Variants in ATP2B2 observed in about 807,000 individuals in gnomAD.
The protein encoded by ATP2B2 is plasma membrane calcium-transporting ATPase 2.
Under a neutral mutation model 120.0 loss-of-function variants are expected in ATP2B2, and 15 were observed. The ratio of observed to expected loss-of-function variants is 0.12; its 90% CI spans 0.08 to 0.19. ATP2B2 has a LOEUF of 0.19. ATP2B2 is among the 10% of genes least tolerant of loss of function. The pLI is 1.00. For synonymous variants in ATP2B2, 694 were observed against 700.3 expected, an observed-to-expected ratio of 0.99 and a Z score of 0.14; for missense variants, 1,045 against 1,719.8, an observed-to-expected ratio of 0.61 and a Z score of 6.94.
At chr3:10,528,915 C>G (rs1389265514) in intron 3 of ATP2B2, among the ~76,000 whole-genome samples, 1 of 152,138 alleles carries the variant, frequency 6.6e-6, no homozygotes, top group East Asian at 1.9e-4. Context: ...AATGTGGGAA[C>G]TGCTCATATT....
chr3:10,569,799 C>T (rs901180966), intron 2 of ATP2B2, among the ~76,000 whole-genome samples: 3 of 152,144 alleles, frequency 2.0e-5, no homozygotes, highest in African/African-American at 4.8e-5. Flanking sequence ...ACCCTAACAC[C>T]CACTAAAGCT....
In ATP2B2 at chr3:10,350,093, G is replaced by A. The variant is rs554743868; in HGVS notation, c.2404+19C>T. On this transcript the variant is annotated intron_variant, in intron 16 of 22. Transcript: ENST00000360273. ...CTGGTGCTGGGCTTCAGGATTGCCC[G>A]TGCCCGCCCAAGTCTTACCTTTAAC... 25 of 1,612,926 alleles carry A rather than the reference G, an allele frequency of 1.5e-5. No individual in the cohort carries two copies. Among genetic ancestry groups the A allele is most frequent in the East Asian group, 8.9e-5 (4 of 44,876 alleles).
chr3:10,328,704 T>G lies in ATP2B2; in HGVS notation c.*110A>C. On this transcript the variant is annotated 3_prime_UTR_variant, in exon 23 of 23. Transcript: ENST00000360273. ...TTTCTCTCCAGTATTTGGTTTCCGA[T>G]TGTTGCTCGTTGCTGCTTGGGTGAG... The G allele has an allele frequency of 1.7e-6, 2 of 1,167,890 alleles. No homozygotes were observed. The highest frequency in any genetic ancestry group is 2.4e-6 in the Non-Finnish European group (2 of 840,140). 72.3% of individuals were successfully genotyped at this position (1,167,890 alleles called of 1,614,324 possible).
At chr3:10,388,454 C>T (rs1206370317) in intron 5 of ATP2B2, 52 bp from the exon 6 acceptor site, 1 of 1,613,310 alleles carries the variant, frequency 6.2e-7, no homozygotes, top group Non-Finnish European at 8.5e-7. Context: ...AAGCCGTCTC[C>T]CCAAAGGAGT....
chr3:10,398,708 C>T (rs1458287408), intron 5 of ATP2B2, among the ~76,000 whole-genome samples: 5 of 152,216 alleles, frequency 3.3e-5, no homozygotes, highest in South Asian at 2.1e-4. Context: ...TGGAGACACA[C>T]CGGCCTCTCC....
At chr3:10,636,289 G>A (rs1276900303) in intron 1 of ATP2B2, among the ~76,000 whole-genome samples, 1 of 152,204 alleles carries the variant, frequency 6.6e-6, no homozygotes, top group Non-Finnish European at 1.5e-5. Flanking sequence ...AGTAGGGCAG[G>A]CTGTGTCATT....
At chr3:10,360,651 G>A (rs779162835) in intron 12 of ATP2B2, among the ~76,000 whole-genome samples, 1 of 152,168 alleles carries the variant, frequency 6.6e-6, no homozygotes, top group Non-Finnish European at 1.5e-5. Flanking sequence ...CAGAGATGCC[G>A]TATACCCTTC....
At chr3:10,575,366 AAAT>A (rs1343794048) in intron 2 of ATP2B2, among the ~76,000 whole-genome samples, 1 of 152,196 alleles carries the variant, frequency 6.6e-6, no homozygotes, top group East Asian at 1.9e-4. Context: ...GGCTCAGACA[AAAT>A]AATAATTATA....
chr3:10,384,518 G>C (rs2061617490), intron 8 of ATP2B2, among the ~76,000 whole-genome samples: 1 of 152,186 alleles, frequency 6.6e-6, no homozygotes, highest in Non-Finnish European at 1.5e-5. Flanking sequence ...ATCTTCTAAA[G>C]GCTTTGGGGG....
chr3:10,570,872 C>T (rs981487508), intron 2 of ATP2B2, among the ~76,000 whole-genome samples: 7 of 152,208 alleles, frequency 4.6e-5, no homozygotes, highest in African/African-American at 1.2e-4. Context: ...TGCCATGCCC[C>T]GAGAGGCCCA....
intron 1 of ATP2B2, among the ~76,000 whole-genome samples, chr3:10,492,876 G>A (rs565505837): frequency 1.1e-4 from 17 of 152,290 alleles, no homozygotes; most frequent in South Asian, 2.1e-4. Context: ...GAACTTGGCC[G>A]AGGCTGCCAC....
intron 21 of ATP2B2, among the ~76,000 whole-genome samples, chr3:10,339,567 C>T (rs919535117): frequency 2.6e-5 from 4 of 152,110 alleles, no homozygotes; most frequent in East Asian, 1.9e-4. Context: ...CGTAGAAAAA[C>T]GAATTGGTGG....
chr3:10,379,227 A>G lies in ATP2B2; in HGVS notation c.1042+16T>C. 1 of 1,613,676 alleles carries G rather than the reference A, an allele frequency of 6.2e-7. No homozygotes were observed. The highest frequency in any genetic ancestry group is 1.1e-5 in the South Asian group (1 of 90,966). On this transcript the variant is annotated intron_variant, in intron 9 of 22. Coordinates refer to ENST00000360273, the MANE Select transcript of ATP2B2 (RefSeq NM_001001331.4). ...GCCTCAGGGACGACAAACGCCGGTT[A>G]AAACAAAAGGGTTACCTTTGCTCTG...
chr3:10,337,661 AT>A (rs1347604573), intron 22 of ATP2B2, among the ~76,000 whole-genome samples: 1 of 152,000 alleles, frequency 6.6e-6, no homozygotes, highest in Non-Finnish European at 1.5e-5. Context: ...GTGCTTGAGG[AT>A]GACTGACCTT....
In ATP2B2 at chr3:10,345,387, C is replaced by T. The variant is rs779409545; in HGVS notation, c.2700G>A (p.Thr900=). The part of the protein sequence containing the change: ...VIVAFTGACI[T]QDSPLKAVQM... ...GTGTGGTCTCCTGCGGACCCACCTG[C>T]GTGATGCAGGCGCCTGTGAAGGCCA... The change falls in exon 18 of 23, where the codon ACG becomes ACA. Residue 900 remains threonine (T), a synonymous_variant. Transcript: ENST00000360273. 12 of 1,614,070 alleles carry T rather than the reference C, an allele frequency of 7.4e-6. No individual in the cohort carries two copies. Among genetic ancestry groups the T allele is most frequent in the African/African-American group, 4.0e-5 (3 of 74,936 alleles).
At chr3:10,645,129 T>A (rs1466117543) in intron 1 of ATP2B2, among the ~76,000 whole-genome samples, 1 of 152,116 alleles carries the variant, frequency 6.6e-6, no homozygotes, top group African/African-American at 2.4e-5. Flanking sequence ...AGAGAGAATG[T>A]GTGACTATGG....
chr3:10,593,061 C>T (rs532621420), intron 2 of ATP2B2, among the ~76,000 whole-genome samples: 5 of 152,334 alleles, frequency 3.3e-5, no homozygotes, highest in East Asian at 3.9e-4. Flanking sequence ...GCTGGGAATA[C>T]AGGCGTGAAC....
chr3:10,345,890 G>T, intron 17 of ATP2B2, 141 bp downstream of exon 17: 1 of 849,056 alleles, frequency 1.2e-6, no homozygotes, highest in Non-Finnish European at 1.9e-6. Context: ...GGGTCAGGCT[G>T]AGTCTCGAGA....
At chr3:10,573,397 A>C (rs1297301238) in intron 2 of ATP2B2, among the ~76,000 whole-genome samples, 4 of 152,146 alleles carry the variant, frequency 2.6e-5, no homozygotes, top group Non-Finnish European at 5.9e-5. Context: ...CACAGAGAGT[A>C]AGCTCCTGCA....
Sources: allele counts gnomAD v4.1 joint callset (sites outside exome capture counted in the v4.1 genomes callset), GRCh38; gene constraint gnomAD v4.1.1; transcripts MANE v1.5; gene names NCBI Gene and HGNC (gene_info 2026-07-23, HGNC 2026-07-21).